The following RP1 variants were observed in gnomAD, a reference collection of about 807,000 sequenced individuals.
The protein encoded by RP1 is oxygen-regulated protein 1.
A neutral mutation model predicts 14.8 loss-of-function variants in RP1; 16 were observed. That is an observed-to-expected ratio of 1.08 (90% confidence interval 0.73 to 1.65). The LOEUF (loss-of-function observed/expected upper bound fraction) is 1.65, where lower values mean the gene tolerates loss of function less well. Among genes scored for constraint, RP1 ranks in the 40% most tolerant of loss-of-function variants. The probability of loss-of-function intolerance (pLI) is 0.00; values close to 1 mark genes in which losing one functional copy is unlikely to be tolerated. For missense variants in RP1, 2,631 were observed against 2,535.0 expected, an observed-to-expected ratio of 1.04 and a Z score of -0.81; for synonymous variants, 876 against 883.6, an observed-to-expected ratio of 0.99 and a Z score of 0.15.
At chr8:54,794,720 C>T (rs1290326098) in intron 24 of RP1, among the ~76,000 whole-genome samples, 1 of 151,842 alleles carries the variant, frequency 6.6e-6, no homozygotes, top group East Asian at 1.9e-4. Flanking sequence ...AGCAAAAATA[C>T]ACAAACGGGC....
chr8:54,586,699 C>T (rs1172769600), intron 1 of RP1, among the ~76,000 whole-genome samples: 7 of 152,172 alleles, frequency 4.6e-5, no homozygotes, highest in South Asian at 2.1e-4. Flanking sequence ...CAATGGTTGG[C>T]GCCCCTCCCC....
chr8:54,834,870 G>T (rs2129402245), intron 24 of RP1, among the ~76,000 whole-genome samples: 1 of 152,236 alleles, frequency 6.6e-6, no homozygotes, highest in Non-Finnish European at 1.5e-5. Flanking sequence ...GCTGAGTTAA[G>T]ATAAAATGTC....
chr8:54,728,835 A>T (rs1563359569), intron 17 of RP1, among the ~76,000 whole-genome samples: 1 of 152,240 alleles, frequency 6.6e-6, no homozygotes, highest in East Asian at 1.9e-4. Flanking sequence ...AAACACACAC[A>T]AAGGTAGAGA....
chr8:54,766,272 A>C (rs1198930576), intron 22 of RP1, among the ~76,000 whole-genome samples: 1 of 152,214 alleles, frequency 6.6e-6, no homozygotes, highest in Non-Finnish European at 1.5e-5. Flanking sequence ...AATTTTGATA[A>C]AGTACAGAAA....
intron 24 of RP1, among the ~76,000 whole-genome samples, chr8:54,795,043 C>T (rs1042485430): frequency 1.4e-4 from 22 of 151,884 alleles, no homozygotes; most frequent in Admixed American, 5.3e-4. Context: ...CAATGAGATA[C>T]CACATCTAAC....
At chr8:54,767,277 G>T (rs1344265321) in intron 22 of RP1, among the ~76,000 whole-genome samples, 1 of 152,012 alleles carries the variant, frequency 6.6e-6, no homozygotes, top group African/African-American at 2.4e-5. Flanking sequence ...AAGGACATGG[G>T]GCAAGGTTGC....
intron 25 of RP1, among the ~76,000 whole-genome samples, chr8:54,847,434 G>A (rs1386939836): frequency 6.6e-6 from 1 of 152,146 alleles, no homozygotes; most frequent in Non-Finnish European, 1.5e-5. Context: ...TCTCATAATT[G>A]TATCCTGATA....
exon 12 of RP1, chr8:54,679,884 G>C (rs1210667126): frequency 1.3e-6 from 2 of 1,535,880 alleles, no homozygotes; most frequent in African/African-American, 2.7e-5. Context: ...TTGTCCGTTT[G>C]CATCCAGATG....
intron 1 of RP1, among the ~76,000 whole-genome samples, chr8:54,579,550 C>A (rs1482643812): frequency 6.6e-6 from 1 of 152,162 alleles, no homozygotes; most frequent in Non-Finnish European, 1.5e-5. Context: ...CATTCTCTTA[C>A]ATCCTGTGTC....
At chr8:54,648,110 C>T (rs428381) in intron 3 of RP1, among the ~76,000 whole-genome samples, 37,952 of 152,002 alleles carry the variant, frequency 0.25, 5,128 homozygotes, top group East Asian at 0.42. Flanking sequence ...AAGGTACTTG[C>T]TTCTCCTTTG....
chr8:54,592,475 A>G (rs1805061792), intron 1 of RP1, among the ~76,000 whole-genome samples: 1 of 152,216 alleles, frequency 6.6e-6, no homozygotes, highest in South Asian at 2.1e-4. Context: ...GGCCAGTTCT[A>G]TGAAAGGTTT....
chr8:54,563,276 C>T (rs557961667), intron 1 of RP1, among the ~76,000 whole-genome samples: 1 of 152,302 alleles, frequency 6.6e-6, no homozygotes, highest in South Asian at 2.1e-4. Flanking sequence ...CCCTTGACCA[C>T]ACAGGAAATT....
At chr8:54,809,371 A>G (rs149489655) in intron 24 of RP1, among the ~76,000 whole-genome samples, 2 of 152,346 alleles carry the variant, frequency 1.3e-5, no homozygotes, top group East Asian at 3.9e-4. Flanking sequence ...AAAGAGGCCA[A>G]ATTCTCACAG....
intron 24 of RP1, among the ~76,000 whole-genome samples, chr8:54,833,255 C>A (rs1811575497): frequency 6.6e-6 from 1 of 151,736 alleles, no homozygotes; most frequent in Non-Finnish European, 1.5e-5. Flanking sequence ...GAGTTTTAGC[C>A]TTGTTGTTTC....
rs776560506 is a variant in RP1, at chr8:54,809,684, G to A, written c.3615+25974G>A. Among the ~76,000 whole-genome samples the A allele has an allele frequency of 2.7e-4, 41 of 152,120 alleles. 1 individual carries two copies. Among genetic ancestry groups the A allele is most frequent in the African/African-American group, 7.5e-4 (31 of 41,422 alleles). On this transcript the variant is annotated intron_variant, in intron 24 of 28. Coordinates refer to the RP1 transcript ENST00000637698. ...CTTTGCTAGGAAAAAAATAGCACTC[G>A]CTCCTAGAACAACTTTTTGCAACAT...
chr8:54,726,466 T>A, exon 17 of RP1: 1 of 1,528,128 alleles, frequency 6.5e-7, no homozygotes, highest in Non-Finnish European at 8.7e-7. Flanking sequence ...CCTTACCTTC[T>A]TCAACTGCAA....
At chr8:54,638,966 T>A (rs543331044) in intron 3 of RP1, among the ~76,000 whole-genome samples, 2 of 152,200 alleles carry the variant, frequency 1.3e-5, no homozygotes, top group Non-Finnish European at 2.9e-5. Context: ...TCCCCAATTT[T>A]AAGTGTTATG....
At position 54,740,403 on chromosome 8, in the gene RP1, TAAA is replaced by T. The variant is rs34753388; in HGVS notation, c.2808+1400_2808+1402del. ...ATTTTTAACAAGAAAGCTTAAAAAG[TAAA>T]AAAAAAAAAAAAAAAAAAAAAAAAA... On this transcript the variant is annotated intron_variant, in intron 19 of 22. Coordinates refer to the RP1 transcript ENST00000636932. Among the ~76,000 whole-genome samples, 1,841 of 80,222 alleles carry T rather than the reference TAAA, an allele frequency of 0.023. 93 individuals carry two copies. The East Asian group carries it at 0.26, about 11-fold the overall frequency. 52.6% of individuals were successfully genotyped at this position (80,222 alleles called of 152,430 possible).
At chr8:54,644,621 C>A (rs1454188169) in intron 3 of RP1, among the ~76,000 whole-genome samples, 1 of 152,188 alleles carries the variant, frequency 6.6e-6, no homozygotes, top group Non-Finnish European at 1.5e-5. Flanking sequence ...CACCCCTGGC[C>A]TATTTCCAGA....
Sources: allele counts gnomAD v4.1 joint callset (sites outside exome capture counted in the v4.1 genomes callset), GRCh38; gene constraint gnomAD v4.1.1; transcripts MANE v1.5; gene names NCBI Gene and HGNC (gene_info 2026-07-23, HGNC 2026-07-21).